The following TMEM272 variants were observed in gnomAD, a reference collection of about 807,000 sequenced individuals.
TMEM272 encodes long intergenic non-protein coding RNA 282.
In TMEM272, 8 loss-of-function variants were observed where a neutral mutation model predicts 3.7. That is an observed-to-expected ratio of 2.17 (90% confidence interval 1.27 to 3.91). The LOEUF is 3.91. Among genes scored for constraint, TMEM272 ranks in the 30% most tolerant of loss-of-function variants. TMEM272 has a pLI of 0.00. For synonymous variants in TMEM272, 63 were observed against 39.8 expected (o/e 1.58, Z -2.20); for missense variants, 166 against 91.5 (o/e 1.81, Z -3.32).
At chr13:51,823,258 T>G (rs1055156153) in intron 3 of TMEM272, among the ~76,000 whole-genome samples, 2 of 152,210 alleles carry the variant, frequency 1.3e-5, no homozygotes, top group East Asian at 3.8e-4. Flanking sequence ...CTTTTTTTCT[T>G]GTAGAGAAGA....
chr13:51,846,505 G>A (rs922378804), upstream of TMEM272, among the ~76,000 whole-genome samples: 5 of 121,784 alleles, frequency 4.1e-5, no homozygotes, highest in African/African-American at 6.5e-5. Context: ...AAAAAACAAC[G>A]AAGTCACTGC....
the TMEM272 span, among the ~76,000 whole-genome samples, chr13:51,898,966 C>A: frequency 5.3e-5 from 8 of 152,290 alleles, no homozygotes; most frequent in South Asian, 1.7e-3. Flanking sequence ...CACTGCTGAT[C>A]ACTGCTGGCC....
the TMEM272 span, among the ~76,000 whole-genome samples, chr13:51,916,688 C>G: frequency 1.3e-5 from 2 of 152,212 alleles, no homozygotes; most frequent in African/African-American, 4.8e-5. Flanking sequence ...CCCTCAGGGT[C>G]ACCTCAGGTC....
chr13:51,900,801 C>T, the TMEM272 span, among the ~76,000 whole-genome samples: 1 of 152,178 alleles, frequency 6.6e-6, no homozygotes, highest in African/African-American at 2.4e-5. Flanking sequence ...TGATGTATTA[C>T]TGATACATGC....
At chr13:51,879,687 G>A in the TMEM272 span, among the ~76,000 whole-genome samples, 146,554 of 152,308 alleles carry the variant, frequency 0.96, 70,526 homozygotes, top group East Asian at 1. Context: ...CTTCCACCAG[G>A]AATTTCAGAT....
At chr13:51,919,899 T>C in the TMEM272 span, among the ~76,000 whole-genome samples, 1 of 152,044 alleles carries the variant, frequency 6.6e-6, no homozygotes, top group African/African-American at 2.4e-5. Context: ...ATGCTATTAA[T>C]GCATCATGCC....
the TMEM272 span, among the ~76,000 whole-genome samples, chr13:51,920,778 T>C: frequency 7.2e-5 from 11 of 152,228 alleles, no homozygotes; most frequent in Non-Finnish European, 1.2e-4. Flanking sequence ...TTTGTTCCAC[T>C]AGAATGTAAA....
intron 4 of TMEM272, among the ~76,000 whole-genome samples, chr13:51,821,194 G>A (rs1186853951): frequency 6.6e-6 from 1 of 152,184 alleles, no homozygotes; most frequent in Non-Finnish European, 1.5e-5. Context: ...GTTTTCTCTT[G>A]TGTTACGGCT....
intron 3 of TMEM272, 133 bp downstream of exon 3, chr13:51,826,433 C>T (rs1956126172): frequency 3.1e-6 from 2 of 638,290 alleles, no homozygotes; most frequent in East Asian, 5.4e-5. Context: ...TGAGATGGCA[C>T]ATAGGTGTCT....
At chr13:51,893,311 AT>A in the TMEM272 span, among the ~76,000 whole-genome samples, 1 of 152,224 alleles carries the variant, frequency 6.6e-6, no homozygotes, top group Non-Finnish European at 1.5e-5. Flanking sequence ...CCAGTATTAA[AT>A]GCATCAAAAG....
the TMEM272 span, among the ~76,000 whole-genome samples, chr13:51,904,460 C>T: frequency 1.3e-5 from 2 of 152,094 alleles, no homozygotes; most frequent in African/African-American, 4.8e-5. Context: ...TCTGGGAAAA[C>T]ATCACCTGGC....
chr13:51,849,224 T>C (rs1311180195), upstream of TMEM272, among the ~76,000 whole-genome samples: 1 of 152,116 alleles, frequency 6.6e-6, no homozygotes, highest in Admixed American at 6.5e-5. Flanking sequence ...CTTGAGGCCA[T>C]TATGCTAAGA....
the TMEM272 span, among the ~76,000 whole-genome samples, chr13:51,920,605 C>T: frequency 1.1e-4 from 17 of 152,280 alleles, no homozygotes; most frequent in East Asian, 1.9e-4. Context: ...CCCTCCCAGC[C>T]GGGTCCCCTC....
chr13:51,934,028 C>T, the TMEM272 span: 1 of 153,596 alleles, frequency 6.5e-6, no homozygotes, highest in Non-Finnish European at 1.4e-5. Flanking sequence ...AAAGAACTCT[C>T]CTCAACTTGA....
chr13:51,845,566 T>C (rs1164344493), upstream of TMEM272, among the ~76,000 whole-genome samples: 1 of 152,182 alleles, frequency 6.6e-6, no homozygotes, highest in Admixed American at 6.5e-5. Context: ...AGAAAAGGGA[T>C]TAAATTGATT....
intron 2 of TMEM272, among the ~76,000 whole-genome samples, chr13:51,829,340 G>A (rs1390262666): frequency 6.6e-6 from 1 of 152,148 alleles, no homozygotes; most frequent in Non-Finnish European, 1.5e-5. Flanking sequence ...CAGAAGAAAG[G>A]AAAAAGCTTT....
At chr13:51,931,314 AAAG>A in the TMEM272 span, among the ~76,000 whole-genome samples, 1 of 151,990 alleles carries the variant, frequency 6.6e-6, no homozygotes, top group African/African-American at 2.4e-5. Context: ...AAAAAAAAAA[AAAG>A]GATGAGTTGA....
chr13:51,900,291 CA>C, the TMEM272 span, among the ~76,000 whole-genome samples: 1 of 151,950 alleles, frequency 6.6e-6, no homozygotes, highest in Non-Finnish European at 1.5e-5. Flanking sequence ...TACAAATCAA[CA>C]AAAAAAGGAC....
At chr13:51,932,496 G>GT in the TMEM272 span, 1 of 152,290 alleles carries the variant, frequency 6.6e-6, no homozygotes, top group Non-Finnish European at 1.5e-5. Context: ...ACTCACACCA[G>GT]TGCTGGGGAT....
Sources: allele counts gnomAD v4.1 joint callset (sites outside exome capture counted in the v4.1 genomes callset), GRCh38; gene constraint gnomAD v4.1.1; transcripts MANE v1.5; gene names NCBI Gene and HGNC (gene_info 2026-07-23, HGNC 2026-07-21).